NAV3: variants seen among roughly 807,000 people sequenced by gnomAD.
NAV3 encodes the protein neuron navigator 3.
In NAV3, 87 loss-of-function variants were observed where a neutral mutation model predicts 244.7. The observed-to-expected ratio is 0.36, with a 90% CI of 0.30 to 0.42. The LOEUF (loss-of-function observed/expected upper bound fraction) is 0.42, where lower values mean the gene tolerates loss of function less well. Ranked by LOEUF, NAV3 falls within the 20% of genes least tolerant of loss-of-function variation. The probability of loss-of-function intolerance (pLI) is 1.00; values close to 1 mark genes in which losing one functional copy is unlikely to be tolerated. For missense variants in NAV3, 2,663 were observed against 2,893.3 expected (o/e 0.92, Z 1.83); for synonymous variants, 1,126 against 1,042.2 (o/e 1.08, Z -1.55).
intron 2 of NAV3, among the ~76,000 whole-genome samples, chr12:77,582,635 G>GT (rs1408936398): frequency 5.3e-5 from 8 of 152,196 alleles, no homozygotes; most frequent in African/African-American, 1.9e-4. Flanking sequence ...AGGGCCATGA[G>GT]TTTTTGCCAG....
intron 1 of NAV3, among the ~76,000 whole-genome samples, chr12:77,927,434 G>A (rs1296019388): frequency 1.3e-5 from 2 of 152,182 alleles, no homozygotes; most frequent in Non-Finnish European, 2.9e-5. Flanking sequence ...GAAAGTATGG[G>A]TTCTATGTAG....
At chr12:77,962,621 A>G (rs1406910242) in intron 3 of NAV3, among the ~76,000 whole-genome samples, 1 of 152,096 alleles carries the variant, frequency 6.6e-6, no homozygotes, top group African/African-American at 2.4e-5. Context: ...CCCGTACTGC[A>G]TACCACCTGC....
intron 1 of NAV3, among the ~76,000 whole-genome samples, chr12:77,851,221 G>T (rs1877469901): frequency 1.3e-5 from 2 of 151,922 alleles, no homozygotes; most frequent in South Asian, 4.2e-4. Context: ...TGTTAATCTT[G>T]TGCCTAGTCC....
chr12:77,852,123 ACT>A (rs1235056494), intron 1 of NAV3, among the ~76,000 whole-genome samples: 2 of 152,180 alleles, frequency 1.3e-5, no homozygotes, highest in Non-Finnish European at 2.9e-5. Context: ...TAAAATGATG[ACT>A]CTTAGGAAAT....
intron 18 of NAV3, among the ~76,000 whole-genome samples, chr12:78,132,171 A>C (rs1338186860): frequency 7.9e-5 from 12 of 152,152 alleles, no homozygotes. Flanking sequence ...TCTGTAGCAC[A>C]CTTGGGAATG....
rs1389463217 is a variant in NAV3, at chr12:77,831,562, C to G, written c.101C>G (p.Ser34Ter). Residue 34 changes from serine (S) to a stop codon, truncating the protein, a stop_gained, in exon 1 of 40, where the codon TCA (serine) becomes TGA (stop). Coordinates refer to ENST00000397909, the MANE Select transcript of NAV3 (RefSeq NM_001024383.2). LOFTEE classifies it high-confidence loss of function. Reference sequence around the variant, plus strand: ...ATACCAAATCTTGGCACTACTGGGTCACAGCACTGTTCTTCAAGACCTTTG... The same window carrying G: ...ATACCAAATCTTGGCACTACTGGGTGACAGCACTGTTCTTCAAGACCTTTG... The part of the protein sequence containing the change: ...LPIPNLGTTG[S>*]QHCSSRPLEL... 1.2e-6 allele frequency: 2 copies of G among 1,614,044 alleles called. No individual in the cohort carries two copies. The highest frequency in any genetic ancestry group is 1.7e-6 in the Non-Finnish European group (2 of 1,179,982).
chr12:77,773,676 T>A (rs529762416), intron 2 of NAV3, among the ~76,000 whole-genome samples: 38 of 151,964 alleles, frequency 2.5e-4, no homozygotes, highest in Non-Finnish European at 5.0e-4. Flanking sequence ...TATTGAGGAG[T>A]ATGGGGATTA....
At chr12:78,038,305 T>C (rs1880261260) in intron 9 of NAV3, among the ~76,000 whole-genome samples, 1 of 152,242 alleles carries the variant, frequency 6.6e-6, no homozygotes, top group African/African-American at 2.4e-5. Flanking sequence ...TTTATGTCAA[T>C]GTGTATTTCC....
chr12:78,006,688 A>T lies in NAV3; in HGVS notation c.1150A>T (p.Met384Leu), dbSNP rs758726790. 58 of 1,613,932 alleles carry T rather than the reference A, an allele frequency of 3.6e-5. No homozygotes were observed. The highest frequency in any genetic ancestry group is 4.8e-5 in the Non-Finnish European group (57 of 1,180,002). ...VKTAPSGQKS[M>L]LEKFKLVNAR... ...AACTGCTCCCTCAGGACAGAAATCC[A>T]TGCTTGAGAAATTCAAGCTAGTCAA... is the stretch of plus-strand genomic sequence containing the variant. Residue 384 changes from methionine to leucine, a missense_variant, in exon 8 of 40, where the codon ATG (methionine) becomes TTG (leucine). This residue lies in a region of NAV3 where 1,521 missense variants were observed against 1,497.0 expected (regional missense o/e 1.02). Transcript: ENST00000397909.
rs117539572 is a variant in NAV3 at position 77,692,925 on chromosome 12, A to G, written c.72+120659A>G. ...AGGGAGACCTGACCCAATATGGGAG[A>G]TCAGTGAAAGCTTCCCTAAACAAGT... On this transcript the variant is annotated intron_variant, in intron 2 of 8. Coordinates refer to the NAV3 transcript ENST00000550042. Among the ~76,000 whole-genome samples, 841 of 152,304 alleles carry G rather than the reference A, an allele frequency of 5.5e-3. 4 individuals carry two copies. The highest frequency in any genetic ancestry group is 8.8e-3 in the Non-Finnish European group (597 of 68,018).
chr12:78,166,436 CTA>C (rs942906076), intron 23 of NAV3, among the ~76,000 whole-genome samples: 2 of 137,378 alleles, frequency 1.5e-5, no homozygotes, highest in African/African-American at 5.1e-5. Flanking sequence ...TAATCAAAGA[CTA>C]TGGAATATTT....
chr12:77,664,106 A>G (rs767080833), intron 2 of NAV3, among the ~76,000 whole-genome samples: 52 of 152,248 alleles, frequency 3.4e-4, no homozygotes, highest in Non-Finnish European at 6.8e-4. Context: ...ATTAACCAAA[A>G]TTAAAAATTA....
intron 2 of NAV3, among the ~76,000 whole-genome samples, chr12:77,819,377 T>G (rs1185859169): frequency 1.3e-5 from 2 of 151,540 alleles, no homozygotes; most frequent in African/African-American, 4.8e-5. Context: ...CTGAGGTCCC[T>G]CAGGGTACAA....
intron 11 of NAV3, among the ~76,000 whole-genome samples, chr12:78,051,895 C>T (rs1566065504): frequency 6.6e-6 from 1 of 152,164 alleles, no homozygotes; most frequent in Non-Finnish European, 1.5e-5. Context: ...TCCTTCCCAC[C>T]ACCAGCAATG....
intron 1 of NAV3, among the ~76,000 whole-genome samples, chr12:77,863,962 A>G (rs943255372): frequency 1.3e-5 from 2 of 151,856 alleles, no homozygotes; most frequent in Non-Finnish European, 3.0e-5. Context: ...GACATCTCCA[A>G]TTTCTCAAAC....
intron 1 of NAV3, among the ~76,000 whole-genome samples, chr12:77,854,955 G>A (rs966635738): frequency 1.3e-4 from 20 of 151,896 alleles, no homozygotes; most frequent in African/African-American, 4.6e-4. Flanking sequence ...ATGAAACCCC[G>A]TCTCTACTAA....
At position 78,006,874 on chromosome 12, in the gene NAV3, T is replaced by C. The variant is rs1874323870; in HGVS notation, c.1336T>C (p.Leu446=). ...TAGCAGTCCCAAAGTGTCACCTAAG[T>C]TGGCCCCTCCAAAAGCTGGAAGCAA... ...TNSSPKVSPK[L]APPKAGSKNL... Residue 446 remains leucine (L), a synonymous_variant, in exon 8 of 40, where the codon TTG becomes CTG. Coordinates refer to ENST00000397909, the MANE Select transcript of NAV3 (RefSeq NM_001024383.2). 3 of 1,614,040 alleles carry C rather than the reference T, an allele frequency of 1.9e-6. No homozygotes were observed. The Admixed American group carries it at 5.0e-5, about 27-fold the overall frequency.
chr12:77,974,277 GTTGTT>G (rs772029106), intron 5 of NAV3, among the ~76,000 whole-genome samples: 34 of 151,354 alleles, frequency 2.2e-4, no homozygotes, highest in Non-Finnish European at 3.5e-4. Flanking sequence ...CAGTATTTTT[GTTGTT>G]TTGTTTTGTT....
At chr12:78,128,637 G>T (rs1447026765) in intron 17 of NAV3, 69 bp from the exon 18 acceptor site, 1 of 1,484,726 alleles carries the variant, frequency 6.7e-7, no homozygotes, top group Non-Finnish European at 9.1e-7. Flanking sequence ...CCTCTGAATT[G>T]TTTTCCTGTC....
Sources: gnomAD v4.1 joint callset for allele counts (sites outside exome capture counted in the v4.1 genomes callset) on GRCh38, gnomAD v4.1.1 for gene constraint, gnomAD v4.1.1 regional missense constraint, MANE v1.5 for transcripts, NCBI Gene and HGNC (gene_info 2026-07-23, HGNC 2026-07-21) for gene names.